Variants in PRX observed in about 807,000 individuals in gnomAD.
The protein encoded by PRX is periaxin.
PRX carries 24 observed loss-of-function variants against 29.6 expected under a neutral mutation model. That is an observed-to-expected ratio of 0.81 (90% CI 0.59 to 1.14). PRX has a LOEUF of 1.14. Among genes scored for constraint, PRX ranks in the 50% most tolerant of loss-of-function variants. PRX has a pLI of 0.00. For missense variants in PRX, 1,838 were observed against 1,926.4 expected, an observed-to-expected ratio of 0.95 and a Z score of 0.86; for synonymous variants, 772 against 831.7, an observed-to-expected ratio of 0.93 and a Z score of 1.24.
Position 40,398,453 on chromosome 19 carries a change from C to T in PRX, c.381+167G>A, listed in dbSNP as rs987951660. The T allele has an allele frequency of 2.0e-6, 3 of 1,518,574 alleles. No individual in the cohort carries two copies. The highest frequency in any genetic ancestry group is 1.4e-5 in the African/African-American group (1 of 72,686). The allele number at this position is 1,518,574 out of a possible 1,614,324, so 94.1% of individuals were successfully genotyped here. ...GCTGGGGTGGGTCTGTCCCCCTTCC[C>T]GGGGAAGAGTTTGGGGCAGAGAGGA... On this transcript the variant is annotated intron_variant, in intron 6 of 6. Transcript: ENST00000324001. This position sits in a 1 kb window ranked among gnomAD's most constrained non-coding sequence, Gnocchi z 6.3.
intron 5 of PRX, among the ~76,000 whole-genome samples, chr19:40,400,373 A>C (rs1599659777): frequency 7.4e-6 from 1 of 135,212 alleles, no homozygotes; most frequent in African/African-American, 2.8e-5. Context: ...CAGGTGGATC[A>C]CCTGAGGTCG....
Position 40,394,406 on chromosome 19 carries a change from C to T in PRX, c.3946G>A (p.Ala1316Thr), listed in dbSNP as rs774367348. 6.2e-7 allele frequency: 1 copy of T among 1,601,266 alleles called. No homozygotes were observed. The highest frequency in any genetic ancestry group is 1.1e-5 in the South Asian group (1 of 89,320). ...TCACCCTCCTCGGCCCCCTCCTTGG[C>T]CCGCACCAGGCCAAACCGGGGCAGC... Reference protein sequence around the residue: ...VRLPRFGLVRAKEGAEEGEKA... With the variant: ...VRLPRFGLVRTKEGAEEGEKA... The change falls in exon 7 of 7, where the codon GCC becomes ACC. Residue 1316 changes from alanine (A) to threonine (T), a missense_variant. This residue lies in a region of PRX where 1,143 missense variants were observed against 1,193.0 expected (regional missense o/e 0.96). Transcript: ENST00000324001. This position sits in a 1 kb window ranked among gnomAD's most constrained non-coding sequence, Gnocchi z 5.8.
At position 40,394,053 on chromosome 19, in the gene PRX, C is replaced by T. The variant is rs1453649858; in HGVS notation, c.4299G>A (p.Leu1433=). The change falls in exon 7 of 7, where the codon TTG becomes TTA. Residue 1433 remains leucine (L), a synonymous_variant. Transcript: ENST00000324001. This position sits in a 1 kb window ranked among gnomAD's most constrained non-coding sequence, Gnocchi z 5.8. The stretch of plus-strand genomic sequence containing the variant: ...ACCCCACGCTGGGCAGCCGCACCCG[C>T]AATCCACCCTCTTCCTGGTCCCCAC... ...SGSGDQEEGG[L]RVRLPSVGFS... is the part of the protein sequence containing the mutation. The T allele has an allele frequency of 6.2e-7, 1 of 1,612,602 alleles. No homozygotes were observed. Among genetic ancestry groups the T allele is most frequent in the East Asian group, 2.2e-5 (1 of 44,860 alleles).
chr19:40,403,934 A>G, intron 4 of PRX, 72 bp from the exon 5 acceptor site: 2 of 1,525,772 alleles, frequency 1.3e-6, no homozygotes, highest in Non-Finnish European at 1.8e-6. Flanking sequence ...CATTGCGCTC[A>G]ACAGTGGCTC....
At position 40,394,268 on chromosome 19, in the gene PRX, C is replaced by T; in HGVS notation, c.4084G>A (p.Gly1362Ser). The T allele has an allele frequency of 6.2e-7, 1 of 1,612,184 alleles. No homozygotes were observed. Among genetic ancestry groups the T allele is most frequent in the Non-Finnish European group, 8.5e-7 (1 of 1,178,936 alleles). The change falls in exon 7 of 7, where the codon GGC becomes AGC. Residue 1362 changes from glycine (G) to serine (S), a missense_variant. Physicochemically the swap from Gly to Ser is moderately conservative, Grantham distance 56 (BLOSUM62 0). Around this residue, in one of 3 missense-constraint regions of PRX, gnomAD observed 1,143 missense variants for 1,193.0 expected, o/e 0.96. Coordinates refer to ENST00000324001, the MANE Select transcript of PRX (RefSeq NM_181882.3). The surrounding 1 kb of genome is among the most constrained non-coding windows in gnomAD (Gnocchi z 5.8). The stretch of plus-strand genomic sequence containing the variant: ...CGACCCGAGGCCCCTTCCCCACTGC[C>T]CTCTTCCTCCTCCTCCTCCTCCTCC... The part of the protein sequence containing the change: ...PEEEEEEEEE[G>S]SGEGASGRRG...
chr19:40,404,450 G>A (rs2079519069), intron 4 of PRX, among the ~76,000 whole-genome samples: 1 of 151,986 alleles, frequency 6.6e-6, no homozygotes, highest in Non-Finnish European at 1.5e-5. Flanking sequence ...GGGTAGGAGG[G>A]GTAAGACAAC....
intron 5 of PRX, among the ~76,000 whole-genome samples, chr19:40,399,904 T>TTTC (rs1491287157): frequency 6.0e-5 from 4 of 66,176 alleles, no homozygotes; most frequent in Non-Finnish European, 1.1e-4. Context: ...TCTTTCTTTC[T>TTTC]TTTTCTTTCT....
chr19:40,397,952 G>C lies in PRX; in HGVS notation c.400C>G (p.Pro134Ala). Residue 134 changes from proline to alanine, a missense_variant, in exon 7 of 7, where the codon CCT becomes GCT. By Grantham distance (27) the Pro-to-Ala change is conservative. Transcript: ENST00000324001. ...VAKLNIQSLS[P>A]VKKKKMVPGA... ...GGCACCATCTTCTTCTTCTTCACAG[G>C]GGACAGACTCTGGATGTTCTGGGGA... 1 of 1,611,562 alleles carries C rather than the reference G, an allele frequency of 6.2e-7. No individual in the cohort carries two copies. Among genetic ancestry groups the C allele is most frequent in the Non-Finnish European group, 8.5e-7 (1 of 1,179,088 alleles).
intron 4 of PRX, 108 bp downstream of exon 4, chr19:40,407,798 A>T: frequency 6.8e-7 from 1 of 1,477,632 alleles, no homozygotes; most frequent in South Asian, 1.1e-5. Context: ...TCCATTTCAC[A>T]GATGGAGAGA....
intron 1 of PRX, 90 bp from the exon 2 acceptor site, chr19:40,408,473 A>T (rs892423125): frequency 5.8e-6 from 1 of 172,218 alleles, no homozygotes; most frequent in African/African-American, 2.4e-5. Context: ...CTGATACCCT[A>T]TCCCCGTCGT....
At chr19:40,399,905 T>TTC (rs1555801711) in intron 5 of PRX, among the ~76,000 whole-genome samples, 16,100 of 70,704 alleles carry the variant, frequency 0.23, 977 homozygotes, top group African/African-American at 0.28. Context: ...CTTTCTTTCT[T>TTC]TTTCTTTCTT....
At position 40,397,092 on chromosome 19, in the gene PRX, G is replaced by C; in HGVS notation, c.1260C>G (p.Ile420Met). Residue 420 changes from isoleucine to methionine, a missense_variant, in exon 7 of 7, where the codon ATC becomes ATG. Transcript: ENST00000324001. ...CTCCGATGCCAAGGGAGGGCATCTT[G>C]ATGGTGGGCAGCTTCAGCTTGCTCT... ...VVESKLKLPTIKMPSLGIGVS... is the reference protein window; with the variant it reads ...VVESKLKLPTMKMPSLGIGVS... The C allele has an allele frequency of 6.2e-7, 1 of 1,614,124 alleles. No homozygotes were observed. Among genetic ancestry groups the C allele is most frequent in the South Asian group, 1.1e-5 (1 of 91,090 alleles).
Position 40,397,821 on chromosome 19 carries a change from A to C in PRX, c.531T>G (p.Gly177=). ...RRGLKAEAVK[G]PVPAAPARRR... is the part of the protein sequence containing the mutation. ...GGCGGGCAGGGGCAGCCGGGACAGGACCCTTGACAGCCTCGGCTTTGAGGC... is the reference window on the plus strand; with the variant it reads ...GGCGGGCAGGGGCAGCCGGGACAGGCCCCTTGACAGCCTCGGCTTTGAGGC... Residue 177 remains glycine, a synonymous_variant, in exon 7 of 7, where the codon GGT becomes GGG. Transcript: ENST00000324001. 6.3e-7 allele frequency: 1 copy of C among 1,591,186 alleles called. No homozygotes were observed.
At chr19:40,401,914 C>A (rs961689593) in intron 5 of PRX, among the ~76,000 whole-genome samples, 2 of 152,096 alleles carry the variant, frequency 1.3e-5, no homozygotes, top group African/African-American at 4.8e-5. Context: ...CCACCACACC[C>A]GGCTAATTTT....
At chr19:40,409,451 C>CTATTATTCTTAT (rs1555802687) in intron 1 of PRX, among the ~76,000 whole-genome samples, 4 of 142,362 alleles carry the variant, frequency 2.8e-5, no homozygotes, top group African/African-American at 1.0e-4. Context: ...TAAATACTTG[C>CTATTATTCTTAT]TATTATTATT....
chr19:40,410,737 AGC>A (rs1312050981), intron 1 of PRX, among the ~76,000 whole-genome samples: 80 of 152,100 alleles, frequency 5.3e-4, no homozygotes, highest in African/African-American at 1.9e-3. Context: ...CAGGCGTGGC[AGC>A]GCGCGCCTGT....
In PRX at chr19:40,396,064, A is replaced by G; in HGVS notation, c.2288T>C (p.Val763Ala). ...TGCCTTCGGAAGATGCACGTCGGGA[A>G]CCTTCGGCACTTGCATTTCCGGCAG... ...IRLPEMQVPK[V>A]PDVHLPKAPE... Residue 763 changes from valine to alanine, a missense_variant, in exon 7 of 7, where the codon GTT becomes GCT. By Grantham distance (64) the Val-to-Ala change is moderately conservative. Around this residue, in one of 3 missense-constraint regions of PRX, gnomAD observed 1,143 missense variants for 1,193.0 expected, o/e 0.96. Coordinates refer to ENST00000324001, the MANE Select transcript of PRX (RefSeq NM_181882.3). 1 of 1,614,080 alleles carries G rather than the reference A, an allele frequency of 6.2e-7. No homozygotes were observed. The highest frequency in any genetic ancestry group is 2.2e-5 in the East Asian group (1 of 44,878).
Position 40,397,201 on chromosome 19 carries a change from G to A in PRX, c.1151C>T (p.Ala384Val). 6.2e-7 allele frequency: 1 copy of A among 1,614,026 alleles called. No individual in the cohort carries two copies. Residue 384 changes from alanine (A) to valine (V), a missense_variant, in exon 7 of 7, where the codon GCC becomes GTC. Ala to Val is a moderately conservative substitution (Grantham distance 64, BLOSUM62 0). This residue lies in a region of PRX where 666 missense variants were observed against 665.0 expected (regional missense o/e 1.00). Coordinates refer to ENST00000324001, the MANE Select transcript of PRX (RefSeq NM_181882.3). Reference protein sequence around the residue: ...EAKVAKVSPEARVKGPRLRMP... With the variant: ...EAKVAKVSPEVRVKGPRLRMP... ...TCGAAGTCTGGGACCTTTCACCCTG[G>A]CCTCAGGGCTGACCTTGGCTACCTT...
chr19:40,404,536 G>A (rs2079519752), intron 4 of PRX, among the ~76,000 whole-genome samples: 1 of 151,614 alleles, frequency 6.6e-6, no homozygotes, highest in Non-Finnish European at 1.5e-5. Context: ...CAGAGTTTAT[G>A]GGAGGTTATT....
Sources: gnomAD v4.1 joint callset for allele counts (sites outside exome capture counted in the v4.1 genomes callset) on GRCh38, gnomAD v4.1.1 for gene constraint, gnomAD v4.1.1 regional missense constraint, Gnocchi (gnomAD v3.1) non-coding constraint, MANE v1.5 for transcripts, NCBI Gene and HGNC (gene_info 2026-07-23, HGNC 2026-07-21) for gene names.